DOCK3: variants seen among roughly 807,000 people sequenced by gnomAD.
DOCK3 encodes the protein dedicator of cytokinesis 3.
In DOCK3, 60 loss-of-function variants were observed where a neutral mutation model predicts 265.6. The observed-to-expected ratio is 0.23, with a 90% CI of 0.18 to 0.28. The LOEUF is 0.28. Ranked by LOEUF, DOCK3 falls within the 10% of genes least tolerant of loss-of-function variation. The pLI, the probability that DOCK3 is intolerant of heterozygous loss-of-function variation, is 1.00. For missense variants in DOCK3, 1,981 were observed against 2,594.3 expected (o/e 0.76, Z 5.14); for synonymous variants, 881 against 938.0 (o/e 0.94, Z 1.11).
chr3:50,796,274 G>T (rs758046922), intron 2 of DOCK3, among the ~76,000 whole-genome samples: 5 of 151,450 alleles, frequency 3.3e-5, no homozygotes, highest in Non-Finnish European at 7.4e-5. Context: ...CTCGTGATCC[G>T]CCCCCCTCGG....
chr3:51,172,369 G>A (rs2086726525), intron 12 of DOCK3, among the ~76,000 whole-genome samples: 1 of 151,996 alleles, frequency 6.6e-6, no homozygotes, highest in South Asian at 2.1e-4. Context: ...TGAGAGATGG[G>A]GTTTCACCAT....
At chr3:51,233,570 T>G (rs999873061) in intron 19 of DOCK3, among the ~76,000 whole-genome samples, 1 of 152,104 alleles carries the variant, frequency 6.6e-6, no homozygotes, top group African/African-American at 2.4e-5. Context: ...GGTTTCACCG[T>G]GTTAGTCAGG....
At chr3:51,096,092 C>T (rs1211365981) in intron 9 of DOCK3, among the ~76,000 whole-genome samples, 2 of 151,936 alleles carry the variant, frequency 1.3e-5, no homozygotes. Flanking sequence ...GATTATGTGT[C>T]TTGGGGTTGC....
intron 10 of DOCK3, among the ~76,000 whole-genome samples, 161 bp downstream of exon 10, chr3:51,146,791 A>G (rs182537431): frequency 3.3e-4 from 50 of 152,342 alleles, no homozygotes; most frequent in Non-Finnish European, 5.9e-4. Flanking sequence ...TGAAATATTT[A>G]TAGAAAACTG....
chr3:50,718,298 C>T (rs531480022), intron 1 of DOCK3, among the ~76,000 whole-genome samples: 1 of 152,134 alleles, frequency 6.6e-6, no homozygotes, highest in Non-Finnish European at 1.5e-5. Flanking sequence ...GCAAGATATT[C>T]CCTGAGTTTT....
intron 2 of DOCK3, among the ~76,000 whole-genome samples, chr3:50,830,409 T>C: frequency 6.6e-6 from 1 of 152,260 alleles, no homozygotes; most frequent in South Asian, 2.1e-4. Flanking sequence ...CCTGTGCAGC[T>C]ATTAGCCAGG....
chr3:50,989,160 G>T (rs1203488786), intron 5 of DOCK3, among the ~76,000 whole-genome samples: 2 of 152,114 alleles, frequency 1.3e-5, no homozygotes, highest in African/African-American at 2.4e-5. Flanking sequence ...TGGGCCCACA[G>T]CACAGACCCT....
chr3:50,801,181 C>T (rs2043047603), intron 2 of DOCK3, among the ~76,000 whole-genome samples: 1 of 152,088 alleles, frequency 6.6e-6, no homozygotes, highest in African/African-American at 2.4e-5. Context: ...GAGCACACAC[C>T]TGGACAAGGG....
chr3:50,978,484 A>G (rs938917900), intron 5 of DOCK3, among the ~76,000 whole-genome samples: 1 of 152,130 alleles, frequency 6.6e-6, no homozygotes, highest in African/African-American at 2.4e-5. Flanking sequence ...GACCCTCTTG[A>G]GGAGGCAGTC....
At chr3:51,123,768 G>A (rs1282406223) in intron 9 of DOCK3, among the ~76,000 whole-genome samples, 1 of 152,196 alleles carries the variant, frequency 6.6e-6, no homozygotes, top group Non-Finnish European at 1.5e-5. Context: ...TCCCAGGAGG[G>A]AAGCAGGTAT....
chr3:51,335,302 G>T (rs2084788854), intron 35 of DOCK3, among the ~76,000 whole-genome samples: 1 of 151,780 alleles, frequency 6.6e-6, no homozygotes, highest in African/African-American at 2.4e-5. Context: ...TTTGAACCCA[G>T]ATCTAGCTGA....
chr3:51,275,550 G>A (rs1372092693), intron 25 of DOCK3, among the ~76,000 whole-genome samples: 2 of 152,096 alleles, frequency 1.3e-5, no homozygotes, highest in East Asian at 1.9e-4. Flanking sequence ...ATGAGCACAG[G>A]GAGGCAGACC....
At chr3:50,934,181 GT>G in intron 5 of DOCK3, 104 bp downstream of exon 5, 1 of 815,986 alleles carries the variant, frequency 1.2e-6, no homozygotes, top group Non-Finnish European at 1.9e-6. Flanking sequence ...AATATTTGCA[GT>G]TTATCAAACA....
chr3:50,700,928 C>T (rs1435292236), intron 1 of DOCK3, among the ~76,000 whole-genome samples: 4 of 152,120 alleles, frequency 2.6e-5, no homozygotes, highest in African/African-American at 9.7e-5. Context: ...ATAAGAGTTC[C>T]CTTTTCTCTG....
At chr3:51,143,775 T>G (rs552824404) in intron 9 of DOCK3, among the ~76,000 whole-genome samples, 5 of 152,338 alleles carry the variant, frequency 3.3e-5, no homozygotes, top group African/African-American at 1.2e-4. Context: ...TCTCTCAGTC[T>G]GTAGCTTGTC....
chr3:51,198,381 G>C (rs1246349659), intron 12 of DOCK3, among the ~76,000 whole-genome samples: 3 of 152,102 alleles, frequency 2.0e-5, no homozygotes, highest in Non-Finnish European at 4.4e-5. Context: ...AACCCAGCAG[G>C]GAAGAGCAGA....
At chr3:50,974,284 A>G (rs1481002070) in intron 5 of DOCK3, among the ~76,000 whole-genome samples, 1 of 151,604 alleles carries the variant, frequency 6.6e-6, no homozygotes, top group Non-Finnish European at 1.5e-5. Flanking sequence ...TCTAACGTTT[A>G]AGTCTTTAAT....
At position 51,338,376 on chromosome 3, in the gene DOCK3, A is replaced by C; in HGVS notation, c.3629A>C (p.Glu1210Ala). 6.4e-7 allele frequency: 1 copy of C among 1,551,798 alleles called. No individual in the cohort carries two copies. The highest frequency in any genetic ancestry group is 8.7e-7 in the Non-Finnish European group (1 of 1,147,028). Residue 1210 changes from glutamate to alanine, a missense_variant, in exon 36 of 53, where the codon GAG becomes GCG. Glu to Ala is a moderately radical substitution (Grantham distance 107, BLOSUM62 -1). Coordinates refer to ENST00000266037, the MANE Select transcript of DOCK3 (RefSeq NM_004947.5). ...LLDYRDCMKG[E>A]ETENKKIGCT... Reference sequence around the variant, plus strand: ...TCTTCCAGGGACTGCATGAAAGGAGAGGAAACAGAGAATAAGAAGATAGGC... The same window carrying C: ...TCTTCCAGGGACTGCATGAAAGGAGCGGAAACAGAGAATAAGAAGATAGGC...
intron 5 of DOCK3, among the ~76,000 whole-genome samples, chr3:50,961,507 T>C (rs1457567793): frequency 6.6e-6 from 1 of 152,152 alleles, no homozygotes; most frequent in Non-Finnish European, 1.5e-5. Context: ...AACTTGGTGA[T>C]ATCTGAAGAA....
Sources: allele counts gnomAD v4.1 joint callset (sites outside exome capture counted in the v4.1 genomes callset), GRCh38; gene constraint gnomAD v4.1.1; transcripts MANE v1.5; gene names NCBI Gene and HGNC (gene_info 2026-07-23, HGNC 2026-07-21).